FREM1: variants seen among roughly 807,000 people sequenced by gnomAD.
FREM1 encodes the protein FRAS1-related extracellular matrix protein 1.
In FREM1, 220 loss-of-function variants were observed where a neutral mutation model predicts 210.1. The ratio of observed to expected loss-of-function variants is 1.05; its 90% confidence interval spans 0.94 to 1.17. FREM1 has a LOEUF of 1.17. FREM1 is among the 50% of genes most tolerant of loss of function. The probability of loss-of-function intolerance (pLI) is 0.00; values close to 1 mark genes in which losing one functional copy is unlikely to be tolerated. For synonymous variants in FREM1, 1,189 were observed against 980.2 expected (o/e 1.21, Z -3.98); for missense variants, 3,454 against 2,675.5 (o/e 1.29, Z -6.42).
chr9:14,778,313 T>C (rs987100784), intron 24 of FREM1, among the ~76,000 whole-genome samples: 1 of 150,270 alleles, frequency 6.7e-6, no homozygotes, highest in Non-Finnish European at 1.5e-5. Context: ...CAATTATTTA[T>C]TAAAAAAAAT....
At chr9:14,814,908 C>T (rs1197400088) in intron 15 of FREM1, among the ~76,000 whole-genome samples, 4 of 152,186 alleles carry the variant, frequency 2.6e-5, no homozygotes, top group Non-Finnish European at 5.9e-5. Context: ...AATGCACTGC[C>T]TATTGTCATG....
At chr9:14,784,289 A>G (rs1305862740) in intron 24 of FREM1, 81 bp downstream of exon 24, 8 of 1,293,364 alleles carry the variant, frequency 6.2e-6, no homozygotes, top group Non-Finnish European at 8.7e-6. Flanking sequence ...AATGGTTACT[A>G]TAGTGAAGCA....
intron 23 of FREM1, among the ~76,000 whole-genome samples, chr9:14,785,617 G>T (rs188546817): frequency 6.6e-6 from 1 of 152,230 alleles, no homozygotes; most frequent in African/African-American, 2.4e-5. Context: ...AAAAGGGAAG[G>T]GAGTCCTGGC....
At chr9:14,834,253 A>G (rs1363294902) in intron 10 of FREM1, among the ~76,000 whole-genome samples, 1 of 152,210 alleles carries the variant, frequency 6.6e-6, no homozygotes, top group East Asian at 1.9e-4. Context: ...TGATTACAAA[A>G]TAAGCCAATT....
chr9:14,784,939 C>G (rs1850178220), intron 23 of FREM1, among the ~76,000 whole-genome samples: 1 of 152,108 alleles, frequency 6.6e-6, no homozygotes. Context: ...GATGTAGAAG[C>G]CTGACTGTAC....
rs919215751 is a variant in FREM1 at position 14,910,345 on chromosome 9, G to C, written c.-699C>G. On this transcript the variant is annotated 5_prime_UTR_variant, in exon 1 of 37. Coordinates refer to ENST00000380880, the MANE Select transcript of FREM1 (RefSeq NM_001379081.2). The stretch of plus-strand genomic sequence containing the variant: ...GCCTTCTGCTGGTTGGGTCCGCAGG[G>C]ACAAAACTGAGCTTTTGTTAATGAG... 1 of 152,310 alleles carries C rather than the reference G, an allele frequency of 6.6e-6. No homozygotes were observed. The highest frequency in any genetic ancestry group is 2.4e-5 in the African/African-American group (1 of 41,462). The allele number at this position is 152,310 out of a possible 1,614,324, so 9.4% of individuals were successfully genotyped here. A position where few individuals can be genotyped will look rare whatever the true frequency, so the allele number is the denominator to read the frequency against.
Position 14,812,795 on chromosome 9 carries a change from A to G in FREM1, c.2893+17T>C, listed in dbSNP as rs2133569028. ...TGTTGCTTGCATTCCCTCACTGGTC[A>G]CCATGCTGCTGCTTACCTGTGTGTT... On this transcript the variant is annotated intron_variant, in intron 16 of 36. Transcript: ENST00000380880. The G allele has an allele frequency of 6.3e-7, 1 of 1,585,798 alleles. No homozygotes were observed. The highest frequency in any genetic ancestry group is 8.6e-7 in the Non-Finnish European group (1 of 1,164,062).
rs368544274 is a variant in FREM1 at position 14,845,988 on chromosome 9, G to C, written c.1365C>G (p.Gly455=). The C allele has an allele frequency of 6.2e-7, 1 of 1,613,542 alleles. No individual in the cohort carries two copies. Among genetic ancestry groups the C allele is most frequent in the South Asian group, 1.1e-5 (1 of 90,982 alleles). ...IGAVRLVTVG[G]LQHGWLTLRG... is the part of the protein sequence containing the mutation. ...TTAAAGTCAGCCATCCATGCTGCAGGCCACCAACGGTGACTAGCCGGACAG... is the reference window on the plus strand; with the variant it reads ...TTAAAGTCAGCCATCCATGCTGCAGCCCACCAACGGTGACTAGCCGGACAG... Residue 455 remains glycine, a synonymous_variant, in exon 8 of 37, where the codon GGC becomes GGG. Coordinates refer to ENST00000380880, the MANE Select transcript of FREM1 (RefSeq NM_001379081.2).
intron 1 of FREM1, among the ~76,000 whole-genome samples, chr9:14,883,679 C>T (rs531689177): frequency 6.6e-6 from 1 of 152,310 alleles, no homozygotes; most frequent in South Asian, 2.1e-4. Flanking sequence ...GTCTCTGACA[C>T]AAAATTACTA....
In FREM1 at chr9:14,836,452, G is replaced by A. The variant is rs1330685032; in HGVS notation, c.1881+4995C>T. 6.6e-6 allele frequency among the ~76,000 whole-genome samples: 1 copy of A among 152,100 alleles called. No homozygotes were observed. Among genetic ancestry groups the A allele is most frequent in the Non-Finnish European group, 1.5e-5 (1 of 68,018 alleles). On this transcript the variant is annotated intron_variant, in intron 10 of 36. Transcript: ENST00000380880. The surrounding 1 kb of genome is among the most constrained non-coding windows in gnomAD (Gnocchi z 4.9). ...GCTTTTGGATTAACACCTAGTAAAG[G>A]AAAGGAAAATCTACAGGTACTTAAA...
chr9:14,873,758 T>A (rs1253054483), intron 1 of FREM1, among the ~76,000 whole-genome samples: 3 of 152,216 alleles, frequency 2.0e-5, no homozygotes, highest in Admixed American at 6.5e-5. Flanking sequence ...AATTGTGATG[T>A]TAGGGTGTCA....
chr9:14,849,710 C>T (rs986702757), intron 6 of FREM1, among the ~76,000 whole-genome samples: 3 of 152,164 alleles, frequency 2.0e-5, no homozygotes, highest in Non-Finnish European at 2.9e-5. Context: ...GGCCCTGGCC[C>T]AGGGCTTCCA....
At chr9:14,815,346 CT>C (rs2133629032) in intron 15 of FREM1, among the ~76,000 whole-genome samples, 1 of 152,296 alleles carries the variant, frequency 6.6e-6, no homozygotes, top group East Asian at 1.9e-4. Flanking sequence ...AACTCCTTCA[CT>C]GCTTCTTAAA....
intron 28 of FREM1, among the ~76,000 whole-genome samples, chr9:14,759,518 C>CAACAATAATAATAATAATAATAAT (rs1554644387): frequency 5.6e-5 from 8 of 143,042 alleles, no homozygotes; most frequent in African/African-American, 1.5e-4. Flanking sequence ...CTCAAAATAA[C>CAACAATAATAATAATAATAATAAT]AATAATAATA....
At chr9:14,799,199 T>C (rs1439876287) in intron 20 of FREM1, among the ~76,000 whole-genome samples, 1 of 151,400 alleles carries the variant, frequency 6.6e-6, no homozygotes, top group Admixed American at 6.6e-5. Flanking sequence ...GGTCAGAGGA[T>C]CACTTGAGCC....
At chr9:14,898,597 C>T (rs1248321441) in intron 1 of FREM1, among the ~76,000 whole-genome samples, 1 of 152,104 alleles carries the variant, frequency 6.6e-6, no homozygotes, top group Admixed American at 6.6e-5. Context: ...CAAAAATCAG[C>T]CAGGCATGGT....
intron 1 of FREM1, among the ~76,000 whole-genome samples, chr9:14,894,980 C>T (rs180776075): frequency 3.3e-5 from 5 of 152,288 alleles, no homozygotes; most frequent in Middle Eastern, 3.4e-3. Context: ...TGGCCTCATA[C>T]CTTGTCTACA....
intron 1 of FREM1, among the ~76,000 whole-genome samples, chr9:14,895,354 G>A (rs999281275): frequency 2.0e-5 from 3 of 152,174 alleles, no homozygotes; most frequent in African/African-American, 7.2e-5. Context: ...TGGTACACCT[G>A]ATTAGATTCT....
chr9:14,885,888 A>G (rs1266223387), intron 1 of FREM1, among the ~76,000 whole-genome samples: 1 of 152,176 alleles, frequency 6.6e-6, no homozygotes, highest in South Asian at 2.1e-4. Flanking sequence ...GCAATTTTCA[A>G]CTATACAATA....
Sources: allele counts gnomAD v4.1 joint callset (sites outside exome capture counted in the v4.1 genomes callset), GRCh38; gene constraint gnomAD v4.1.1; non-coding constraint Gnocchi (gnomAD v3.1); transcripts MANE v1.5; gene names NCBI Gene and HGNC (gene_info 2026-07-23, HGNC 2026-07-21).